The following CCDC148 variants were observed in gnomAD, a reference collection of about 807,000 sequenced individuals.
The protein encoded by CCDC148 is coiled-coil domain-containing protein 148.
CCDC148 carries 89 observed loss-of-function variants against 85.7 expected under a neutral mutation model. That is an observed-to-expected ratio of 1.04 (90% CI 0.87 to 1.24). CCDC148 has a LOEUF of 1.24. Ranked by LOEUF, CCDC148 falls within the 50% of genes most tolerant of loss-of-function variation. The pLI, the probability that CCDC148 is intolerant of heterozygous loss-of-function variation, is 0.00. For missense variants in CCDC148, 692 were observed against 671.7 expected (o/e 1.03, Z -0.33); for synonymous variants, 230 against 213.9 (o/e 1.08, Z -0.66).
At chr2:158,320,454 G>T (rs1260352686) in intron 7 of CCDC148, among the ~76,000 whole-genome samples, 1 of 152,092 alleles carries the variant, frequency 6.6e-6, no homozygotes, top group African/African-American at 2.4e-5. Flanking sequence ...TATTTTAACT[G>T]CAATTGGACT....
chr2:158,444,353 T>C (rs1200715939), intron 1 of CCDC148, among the ~76,000 whole-genome samples: 2 of 152,194 alleles, frequency 1.3e-5, no homozygotes. Context: ...CTAAGATTCC[T>C]CTAGTCCTAA....
chr2:158,340,672 AT>A lies in CCDC148; in HGVS notation c.259del (p.Met87TrpfsTer5). On this transcript the variant is annotated frameshift_variant, in exon 4 of 14. Transcript: ENST00000283233. LOFTEE classifies it high-confidence loss of function. ...YQRLNEVRCK[M>X]ESEIKSLLNE... ...GAGAAGGGATTTTATTTCAGATTCC[AT>A]TTTACATCTGAAATAGATGTGATCT... 2 of 1,554,918 alleles carry A rather than the reference AT, an allele frequency of 1.3e-6. No individual in the cohort carries two copies. The highest frequency in any genetic ancestry group is 1.8e-6 in the Non-Finnish European group (2 of 1,136,138).
At chr2:158,430,458 C>CA (rs1430668666) in intron 1 of CCDC148, among the ~76,000 whole-genome samples, 14 of 152,024 alleles carry the variant, frequency 9.2e-5, no homozygotes, top group Non-Finnish European at 2.1e-4. Context: ...AGGAATCAGA[C>CA]AAAAAAGTTG....
At position 158,228,224 on chromosome 2, in the gene CCDC148, G is replaced by C. The variant is rs372082825; in HGVS notation, c.1252-7511C>G. 2.2e-4 allele frequency among the ~76,000 whole-genome samples: 33 copies of C among 152,226 alleles called. No homozygotes were observed. In the East Asian group the frequency reaches 2.3e-3, roughly 11 times the overall value. On this transcript the variant is annotated intron_variant, in intron 10 of 13. Coordinates refer to ENST00000283233, the MANE Select transcript of CCDC148 (RefSeq NM_138803.4). ...AGGAAAAAATGCTCATCATCACTGGGCATCAGAGAAATGTAAATCAAAACC... is the reference window on the plus strand; with the variant it reads ...AGGAAAAAATGCTCATCATCACTGGCCATCAGAGAAATGTAAATCAAAACC...
chr2:158,209,919 C>T (rs1012745441), intron 11 of CCDC148, among the ~76,000 whole-genome samples: 2 of 152,114 alleles, frequency 1.3e-5, no homozygotes, highest in African/African-American at 4.8e-5. Context: ...GGCAAAATAA[C>T]CAGCTAGCAT....
At chr2:158,371,065 A>C (rs573962981) in intron 1 of CCDC148, among the ~76,000 whole-genome samples, 2 of 152,110 alleles carry the variant, frequency 1.3e-5, no homozygotes, top group South Asian at 4.1e-4. Flanking sequence ...CAGTTTTAAA[A>C]GTACTAAGCA....
intron 7 of CCDC148, among the ~76,000 whole-genome samples, chr2:158,324,625 T>G (rs1286190846): frequency 6.6e-6 from 1 of 152,158 alleles, no homozygotes; most frequent in Non-Finnish European, 1.5e-5. Flanking sequence ...TACTCACATT[T>G]ATAAAGATTT....
rs780970287 is a variant in CCDC148, at chr2:158,340,234, A to G, written c.486+8T>C. 3.1e-6 allele frequency: 5 copies of G among 1,612,860 alleles called. No homozygotes were observed. Among genetic ancestry groups the G allele is most frequent in the Non-Finnish European group, 3.4e-6 (4 of 1,179,284 alleles). Reference sequence around the variant, plus strand: ...TTACATTATGGAAAATAAAGGTAACATACTAACCTCTTCCAATACTTTCAT... The same window carrying G: ...TTACATTATGGAAAATAAAGGTAACGTACTAACCTCTTCCAATACTTTCAT... On this transcript the variant is annotated splice_region_variant and intron_variant, in intron 5 of 13. Transcript: ENST00000283233.
chr2:158,298,549 C>G (rs185264990), intron 9 of CCDC148, among the ~76,000 whole-genome samples: 3 of 151,978 alleles, frequency 2.0e-5, no homozygotes, highest in African/African-American at 7.2e-5. Flanking sequence ...CTCACTTTCA[C>G]TTTATTATTT....
At chr2:158,401,984 C>A (rs920077229) in intron 1 of CCDC148, among the ~76,000 whole-genome samples, 5 of 152,014 alleles carry the variant, frequency 3.3e-5, no homozygotes, top group African/African-American at 1.2e-4. Flanking sequence ...TGCACACAAT[C>A]TGAAATTTAT....
intron 1 of CCDC148, among the ~76,000 whole-genome samples, chr2:158,449,061 T>C (rs557032816): frequency 1.3e-5 from 2 of 151,132 alleles, no homozygotes; most frequent in East Asian, 4.0e-4. Context: ...CTTCTGACTT[T>C]GTGATTTGCC....
chr2:158,342,512 T>G (rs1260724632), intron 3 of CCDC148, among the ~76,000 whole-genome samples: 1 of 152,148 alleles, frequency 6.6e-6, no homozygotes, highest in Non-Finnish European at 1.5e-5. Flanking sequence ...CAGAACAGAT[T>G]TGTTTAACCA....
At chr2:158,352,719 C>A (rs1215914440) in intron 2 of CCDC148, among the ~76,000 whole-genome samples, 1 of 151,436 alleles carries the variant, frequency 6.6e-6, no homozygotes, top group South Asian at 2.1e-4. Flanking sequence ...TCAGGAAATA[C>A]AGAGAACGCC....
At chr2:158,447,655 T>C (rs987595544) in intron 1 of CCDC148, among the ~76,000 whole-genome samples, 6 of 152,250 alleles carry the variant, frequency 3.9e-5, no homozygotes, top group African/African-American at 1.2e-4. Context: ...TTCCCTAATA[T>C]GTTGAACATC....
chr2:158,443,012 A>G (rs1482934447), intron 1 of CCDC148, among the ~76,000 whole-genome samples: 1 of 151,974 alleles, frequency 6.6e-6, no homozygotes, highest in Non-Finnish European at 1.5e-5. Flanking sequence ...CTCAACAGGC[A>G]TAGAAGAAGA....
At chr2:158,402,927 C>T (rs536842525) in intron 1 of CCDC148, among the ~76,000 whole-genome samples, 2 of 152,178 alleles carry the variant, frequency 1.3e-5, no homozygotes, top group East Asian at 3.9e-4. Context: ...GAACATGTCT[C>T]TAAGGCTCCC....
chr2:158,240,490 A>ACACACACC (rs1559010552), intron 10 of CCDC148, among the ~76,000 whole-genome samples: 4 of 139,804 alleles, frequency 2.9e-5, no homozygotes, highest in South Asian at 2.3e-4. Flanking sequence ...ACACACACAC[A>ACACACACC]CCTCTTTAAA....
chr2:158,220,685 T>G lies in CCDC148; in HGVS notation c.1280A>C (p.Gln427Pro). ...TCTCATTTCCATTTCTTGCCACTTC[T>G]GTTTTTTCTTGGCCCAGTATTTTTT... ...KIKKYWAKKK[Q>P]KWQEMEMRDL... Residue 427 changes from glutamine to proline, a missense_variant, in exon 11 of 14, where the codon CAG becomes CCG. Coordinates refer to ENST00000283233, the MANE Select transcript of CCDC148 (RefSeq NM_138803.4). 6.3e-7 allele frequency: 1 copy of G among 1,586,856 alleles called. No homozygotes were observed. The highest frequency in any genetic ancestry group is 8.5e-7 in the Non-Finnish European group (1 of 1,173,220).
chr2:158,445,512 A>C (rs1358016365), intron 1 of CCDC148, among the ~76,000 whole-genome samples: 1 of 152,228 alleles, frequency 6.6e-6, no homozygotes, highest in Non-Finnish European at 1.5e-5. Flanking sequence ...TTTAAGACAA[A>C]GAAAAAAGCA....
Sources: gnomAD v4.1 joint callset for allele counts (sites outside exome capture counted in the v4.1 genomes callset) on GRCh38, gnomAD v4.1.1 for gene constraint, MANE v1.5 for transcripts, NCBI Gene and HGNC (gene_info 2026-07-23, HGNC 2026-07-21) for gene names.